Variants in LRRC8C observed in about 807,000 individuals in gnomAD.
The protein encoded by LRRC8C is leucine rich repeat containing 8 VRAC subunit C, also known as volume-regulated anion channel subunit LRRC8C.
A neutral mutation model predicts 55.3 loss-of-function variants in LRRC8C; 20 were observed. That is an observed-to-expected ratio of 0.36 (90% CI 0.25 to 0.53). LRRC8C has a LOEUF of 0.53. Among genes scored for constraint, LRRC8C ranks in the 20% least tolerant of loss-of-function variants. The pLI, the probability that LRRC8C is intolerant of heterozygous loss-of-function variation, is 0.92. For synonymous variants in LRRC8C, 376 were observed against 360.7 expected, an observed-to-expected ratio of 1.04 and a Z score of -0.48; for missense variants, 659 against 951.4, an observed-to-expected ratio of 0.69 and a Z score of 4.04.
intron 2 of LRRC8C, among the ~76,000 whole-genome samples, chr1:89,692,359 A>G (rs1658049921): frequency 6.6e-6 from 1 of 152,250 alleles, no homozygotes; most frequent in Admixed American, 6.5e-5. Flanking sequence ...GTAATCCAAC[A>G]GCTTTTAGAG....
At chr1:89,703,612 G>A (rs1401511081) in intron 2 of LRRC8C, among the ~76,000 whole-genome samples, 2 of 151,380 alleles carry the variant, frequency 1.3e-5, no homozygotes, top group Non-Finnish European at 1.5e-5. Flanking sequence ...AATTGGTATA[G>A]TTCAGTGGGT....
Position 89,671,037 on chromosome 1 carries a change from A to T in LRRC8C, c.-4-15433A>T, listed in dbSNP as rs1657398132. 2.0e-5 allele frequency among the ~76,000 whole-genome samples: 3 copies of T among 152,070 alleles called. No individual in the cohort carries two copies. The South Asian group carries it at 6.2e-4, about 31-fold the overall frequency. On this transcript the variant is annotated intron_variant, in intron 1 of 2. Transcript: ENST00000370454. ...CCTTGTTTATAGATCTGTTACTCAC[A>T]TATGCTCTTTTTTTTCTTTCTTTTT...
the LRRC8C span, among the ~76,000 whole-genome samples, chr1:89,623,186 G>GCA: frequency 0.087 from 13,050 of 149,244 alleles, 1,850 homozygotes; most frequent in African/African-American, 0.3. Flanking sequence ...ACACACATGC[G>GCA]CACACACACA....
rs144463928 is a variant in LRRC8C at position 89,649,863 on chromosome 1, C to T, written c.-5+16541C>T. ...TCACACACCTGTGAAATCACCCAGG[C>T]AGATTTCCCCTCCTCTCTTTGTTTC... On this transcript the variant is annotated intron_variant, in intron 1 of 2. Coordinates refer to ENST00000370454, the MANE Select transcript of LRRC8C (RefSeq NM_032270.5). Among the ~76,000 whole-genome samples the T allele has an allele frequency of 7.2e-5, 11 of 152,288 alleles. No homozygotes were observed. In the East Asian group the frequency reaches 2.1e-3, roughly 29 times the overall value.
chr1:89,631,081 A>G (rs1344392996), upstream of LRRC8C, among the ~76,000 whole-genome samples: 3 of 152,178 alleles, frequency 2.0e-5, no homozygotes, highest in Admixed American at 6.5e-5. Flanking sequence ...CCTTTTTGCT[A>G]TTCCTGGTTC....
chr1:89,671,711 G>A (rs1184741705), intron 1 of LRRC8C, among the ~76,000 whole-genome samples: 1 of 152,188 alleles, frequency 6.6e-6, no homozygotes, highest in Non-Finnish European at 1.5e-5. Context: ...CATTAATGAT[G>A]TTTACGCTGA....
rs907255605 is a variant in LRRC8C, at chr1:89,717,900, A to G, written c.*2918A>G. 2.6e-5 allele frequency: 4 copies of G among 152,228 alleles called. No individual in the cohort carries two copies. Among genetic ancestry groups the G allele is most frequent in the Admixed American group, 2.0e-4 (3 of 15,284 alleles). The allele number at this position is 152,228 out of a possible 1,614,324, so 9.4% of individuals were successfully genotyped here. ...TTGCTTGTGTAAATATAAAAGCACC[A>G]TATGTGTTCTTAACTCCTATGGCTG... On this transcript the variant is annotated 3_prime_UTR_variant, in exon 3 of 3. Transcript: ENST00000370454.
chr1:89,716,932 A>G lies in LRRC8C; in HGVS notation c.*1950A>G, dbSNP rs1024229979. 1 of 152,092 alleles carries G rather than the reference A, an allele frequency of 6.6e-6. No individual in the cohort carries two copies. Among genetic ancestry groups the G allele is most frequent in the Non-Finnish European group, 1.5e-5 (1 of 68,012 alleles). The allele number at this position is 152,092 out of a possible 1,614,324, so 9.4% of individuals were successfully genotyped here. A position where few individuals can be genotyped will look rare whatever the true frequency, so the allele number is the denominator to read the frequency against. ...GAAAGAGATTCTTTCGATTTGTTTA[A>G]TAATCTAATTATACAGACCAAAGTG... On this transcript the variant is annotated 3_prime_UTR_variant, in exon 3 of 3. Transcript: ENST00000370454.
intron 2 of LRRC8C, among the ~76,000 whole-genome samples, chr1:89,694,320 A>G (rs1658105961): frequency 6.6e-6 from 1 of 152,220 alleles, no homozygotes; most frequent in Non-Finnish European, 1.5e-5. Flanking sequence ...AATAAATTAT[A>G]TTCCAGGGAG....
chr1:89,628,324 G>A (rs926029050), upstream of LRRC8C, among the ~76,000 whole-genome samples: 17 of 152,144 alleles, frequency 1.1e-4, no homozygotes, highest in South Asian at 2.1e-4. Context: ...TTATTTGATC[G>A]TAGTTTTGTG....
chr1:89,671,268 G>A (rs1307343851), intron 1 of LRRC8C, among the ~76,000 whole-genome samples: 1 of 152,008 alleles, frequency 6.6e-6, no homozygotes, highest in African/African-American at 2.4e-5. Context: ...GGTAAAATGT[G>A]TTGAAAAAGG....
intron 2 of LRRC8C, among the ~76,000 whole-genome samples, chr1:89,709,168 C>A (rs951080172): frequency 6.6e-6 from 1 of 152,186 alleles, no homozygotes; most frequent in Non-Finnish European, 1.5e-5. Flanking sequence ...GCCATCCTAG[C>A]GGAAGCTAGG....
At chr1:89,679,698 GATC>G (rs1657645051) in intron 1 of LRRC8C, among the ~76,000 whole-genome samples, 1 of 152,126 alleles carries the variant, frequency 6.6e-6, no homozygotes, top group Non-Finnish European at 1.5e-5. Context: ...TATTCGTTTT[GATC>G]AGGGCCATTC....
chr1:89,640,157 T>G (rs1025785561), intron 1 of LRRC8C, among the ~76,000 whole-genome samples: 7 of 152,216 alleles, frequency 4.6e-5, no homozygotes, highest in Non-Finnish European at 4.4e-5. Context: ...CGCTGCCTCC[T>G]GGGTTCAAGT....
chr1:89,692,110 T>C (rs1162146190), intron 2 of LRRC8C, among the ~76,000 whole-genome samples: 1 of 152,234 alleles, frequency 6.6e-6, no homozygotes, highest in Non-Finnish European at 1.5e-5. Context: ...TAAAAATGGC[T>C]TAATGACTGA....
chr1:89,650,792 C>T (rs1434168196), intron 1 of LRRC8C, among the ~76,000 whole-genome samples: 1 of 152,148 alleles, frequency 6.6e-6, no homozygotes, highest in Non-Finnish European at 1.5e-5. Flanking sequence ...TTCTACACTT[C>T]CACACTTACA....
chr1:89,661,395 G>T, intron 1 of LRRC8C: 1 of 314,332 alleles, frequency 3.2e-6, no homozygotes, highest in South Asian at 3.5e-5. Context: ...CAGCTCCAAT[G>T]AATACAAAGA....
the LRRC8C span, among the ~76,000 whole-genome samples, chr1:89,625,472 G>A: frequency 7.9e-5 from 12 of 152,120 alleles, no homozygotes; most frequent in African/African-American, 2.9e-4. Context: ...GGGAAATCAG[G>A]CTTTGTTGTT....
chr1:89,679,459 C>T (rs1327634539), intron 1 of LRRC8C, among the ~76,000 whole-genome samples: 1 of 152,112 alleles, frequency 6.6e-6, no homozygotes, highest in Non-Finnish European at 1.5e-5. Flanking sequence ...GAGGCTGAGA[C>T]ATGAGAATCA....
Sources: allele counts gnomAD v4.1 joint callset (sites outside exome capture counted in the v4.1 genomes callset), GRCh38; gene constraint gnomAD v4.1.1; transcripts MANE v1.5; gene names NCBI Gene and HGNC (gene_info 2026-07-23, HGNC 2026-07-21).